Variants in THADA observed in about 807,000 individuals in gnomAD.
THADA encodes tRNA (32-2'-O)-methyltransferase regulator THADA.
In THADA, 213 loss-of-function variants were observed where a neutral mutation model predicts 219.8. That is an observed-to-expected ratio of 0.97 (90% CI 0.87 to 1.09). THADA has a LOEUF of 1.09. Ranked by LOEUF, THADA falls within the 50% of genes least tolerant of loss-of-function variation. The probability of loss-of-function intolerance (pLI) is 0.00; values close to 1 mark genes in which losing one functional copy is unlikely to be tolerated. For synonymous variants in THADA, 1,018 were observed against 828.9 expected (o/e 1.23, Z -3.92); for missense variants, 2,956 against 2,311.3 (o/e 1.28, Z -5.72).
intron 28 of THADA, among the ~76,000 whole-genome samples, chr2:43,406,834 C>A (rs1345640577): frequency 6.6e-6 from 1 of 152,188 alleles, no homozygotes; most frequent in African/African-American, 2.4e-5. Context: ...TCCGGATCTA[C>A]CCTCGGGGTT....
intron 29 of THADA, among the ~76,000 whole-genome samples, chr2:43,374,291 C>G (rs1671130151): frequency 6.6e-6 from 1 of 152,138 alleles, no homozygotes; most frequent in Non-Finnish European, 1.5e-5. Context: ...AGTTAGGTGA[C>G]ACGGTACAGT....
At chr2:43,273,705 G>A (rs528819143) in intron 36 of THADA, among the ~76,000 whole-genome samples, 2 of 152,252 alleles carry the variant, frequency 1.3e-5, no homozygotes, top group South Asian at 4.1e-4. Flanking sequence ...AGTCCCACAG[G>A]GCTGGGGCTT....
intron 25 of THADA, among the ~76,000 whole-genome samples, chr2:43,491,415 G>A (rs1216772312): frequency 6.6e-6 from 1 of 152,172 alleles, no homozygotes; most frequent in African/African-American, 2.4e-5. Context: ...AGACAGAAAA[G>A]GGTAAGCAGT....
intron 20 of THADA, among the ~76,000 whole-genome samples, chr2:43,548,713 C>T (rs1696371870): frequency 6.6e-6 from 1 of 151,750 alleles, no homozygotes; most frequent in African/African-American, 2.4e-5. Flanking sequence ...TTTTTTAAGC[C>T]CGTCGGAAAA....
intron 28 of THADA, among the ~76,000 whole-genome samples, chr2:43,409,126 C>A (rs1675959764): frequency 6.6e-6 from 1 of 152,150 alleles, no homozygotes; most frequent in Admixed American, 6.6e-5. Flanking sequence ...CTTCCCAGTG[C>A]CATCAGCTAA....
chr2:43,238,342 C>A (rs1187165900), intron 36 of THADA, among the ~76,000 whole-genome samples: 4 of 152,036 alleles, frequency 2.6e-5, no homozygotes, highest in Non-Finnish European at 5.9e-5. Flanking sequence ...ACATAAAGAA[C>A]TCTTAATACT....
rs1159919652 is a variant in THADA, at chr2:43,230,924, C to T, written c.*24G>A. 1 of 1,585,704 alleles carries T rather than the reference C, an allele frequency of 6.3e-7. No individual in the cohort carries two copies. Among genetic ancestry groups the T allele is most frequent in the Non-Finnish European group, 8.6e-7 (1 of 1,162,510 alleles). On this transcript the variant is annotated 3_prime_UTR_variant, in exon 38 of 38. Coordinates refer to ENST00000405975, the MANE Select transcript of THADA (RefSeq NM_022065.5). ...GTGGAGGAAAAATCCACACATACCCCCATCCCAATCCCCCAGATTTTCTTC... is the reference window on the plus strand; with the variant it reads ...GTGGAGGAAAAATCCACACATACCCTCATCCCAATCCCCCAGATTTTCTTC...
At chr2:43,233,040 C>T in intron 36 of THADA, 158 bp from the exon 37 acceptor site, 1 of 696,878 alleles carries the variant, frequency 1.4e-6, no homozygotes, top group Non-Finnish European at 2.4e-6. Context: ...GACGATTAAT[C>T]ACCTTCTGAA....
At position 43,362,071 on chromosome 2, in the gene THADA, G is replaced by C. The variant is rs541252525; in HGVS notation, c.4228-17834C>G. Among the ~76,000 whole-genome samples the C allele has an allele frequency of 2.6e-5, 4 of 152,270 alleles. No individual in the cohort carries two copies. In the South Asian group the frequency reaches 8.3e-4, roughly 32 times the overall value. On this transcript the variant is annotated intron_variant, in intron 29 of 37. Transcript: ENST00000405975. ...AGAAAGCACATTCTTATTTTCTTTA[G>C]TATTTCCCAAATGACCCAAATCAGG...
At chr2:43,278,700 T>C (rs1210300895) in intron 36 of THADA, among the ~76,000 whole-genome samples, 2 of 152,118 alleles carry the variant, frequency 1.3e-5, no homozygotes, top group Non-Finnish European at 2.9e-5. Context: ...GGCAGAGAAG[T>C]GTACACAGAC....
At chr2:43,270,719 T>C (rs1672022249) in intron 36 of THADA, among the ~76,000 whole-genome samples, 2 of 152,072 alleles carry the variant, frequency 1.3e-5, no homozygotes, top group Admixed American at 6.6e-5. Flanking sequence ...GTATAGTAGG[T>C]CCCTATAATC....
At chr2:43,321,593 C>G (rs1487297586) in intron 30 of THADA, among the ~76,000 whole-genome samples, 1 of 152,214 alleles carries the variant, frequency 6.6e-6, no homozygotes, top group Non-Finnish European at 1.5e-5. Context: ...GATTTCCTCT[C>G]TGTCTTGCGT....
intron 29 of THADA, among the ~76,000 whole-genome samples, chr2:43,358,839 T>C (rs1370568932): frequency 2.0e-5 from 3 of 152,164 alleles, no homozygotes; most frequent in African/African-American, 7.2e-5. Context: ...GGAATTTTTT[T>C]CCCCTCTTTC....
chr2:43,435,410 G>C (rs1679945270), intron 26 of THADA, among the ~76,000 whole-genome samples: 1 of 148,622 alleles, frequency 6.7e-6, no homozygotes, highest in Non-Finnish European at 1.5e-5. Context: ...AGTGAGCCAA[G>C]ACTGCACCAT....
intron 36 of THADA, among the ~76,000 whole-genome samples, chr2:43,277,533 C>T (rs916779352): frequency 6.6e-6 from 1 of 152,254 alleles, no homozygotes; most frequent in East Asian, 1.9e-4. Flanking sequence ...CTTCCCCAAG[C>T]TCCTCCAGCA....
intron 3 of THADA, 88 bp downstream of exon 3, chr2:43,591,864 G>A: frequency 1.2e-6 from 1 of 840,326 alleles, no homozygotes; most frequent in South Asian, 3.2e-5. Context: ...GCAATAATTA[G>A]GGACCAAAAA....
At chr2:43,251,888 G>T (rs1307319988) in intron 36 of THADA, among the ~76,000 whole-genome samples, 1 of 152,116 alleles carries the variant, frequency 6.6e-6, no homozygotes, top group East Asian at 1.9e-4. Flanking sequence ...GTCATATTGT[G>T]AGCAAATTCT....
chr2:43,560,090 A>G (rs1010733727), intron 16 of THADA, 144 bp downstream of exon 16: 4 of 594,764 alleles, frequency 6.7e-6, no homozygotes, highest in African/African-American at 1.9e-5. Context: ...AAAATAGTAG[A>G]GAGGTGTTAA....
At chr2:43,249,059 C>G (rs528240125) in intron 36 of THADA, among the ~76,000 whole-genome samples, 1 of 152,282 alleles carries the variant, frequency 6.6e-6, no homozygotes, top group East Asian at 1.9e-4. Context: ...TCCATCCTCA[C>G]CATCCTTCCT....
Sources: allele counts gnomAD v4.1 joint callset (sites outside exome capture counted in the v4.1 genomes callset), GRCh38; gene constraint gnomAD v4.1.1; transcripts MANE v1.5; gene names NCBI Gene and HGNC (gene_info 2026-07-23, HGNC 2026-07-21).